The following SUGCT variants were observed in gnomAD, a reference collection of about 807,000 sequenced individuals.
The protein encoded by SUGCT is succinyl-CoA:glutarate CoA-transferase.
Under a neutral mutation model 55.0 loss-of-function variants are expected in SUGCT, and 41 were observed. The ratio of observed to expected loss-of-function variants is 0.74; its 90% confidence interval spans 0.58 to 0.97. SUGCT has a LOEUF of 0.97. Ranked by LOEUF, SUGCT falls within the 50% of genes least tolerant of loss-of-function variation. SUGCT has a pLI of 0.00. For synonymous variants in SUGCT, 187 were observed against 200.4 expected, an observed-to-expected ratio of 0.93 and a Z score of 0.56; for missense variants, 568 against 547.8, an observed-to-expected ratio of 1.04 and a Z score of -0.37.
At chr7:40,334,659 G>C (rs1429008937) in intron 9 of SUGCT, among the ~76,000 whole-genome samples, 2 of 152,122 alleles carry the variant, frequency 1.3e-5, no homozygotes, top group African/African-American at 4.8e-5. Flanking sequence ...TTAGCTCTTT[G>C]TCAGATGAGT....
At chr7:40,593,250 C>T (rs1797824077) in intron 12 of SUGCT, among the ~76,000 whole-genome samples, 1 of 152,162 alleles carries the variant, frequency 6.6e-6, no homozygotes, top group African/African-American at 2.4e-5. Context: ...GTGGGAACCC[C>T]TCTCCCTTTT....
chr7:40,697,811 T>C (rs1488424897), intron 12 of SUGCT, among the ~76,000 whole-genome samples: 1 of 152,196 alleles, frequency 6.6e-6, no homozygotes. Context: ...TGATGGCTCA[T>C]ACTACACCTT....
At chr7:40,142,816 C>A (rs758838704) in intron 1 of SUGCT, among the ~76,000 whole-genome samples, 34 of 152,202 alleles carry the variant, frequency 2.2e-4, no homozygotes, top group Admixed American at 2.2e-3. Context: ...TAAGGCTATC[C>A]TATTTTCCCA....
chr7:40,663,290 A>G (rs1315324423), intron 12 of SUGCT, among the ~76,000 whole-genome samples: 1 of 140,610 alleles, frequency 7.1e-6, no homozygotes, highest in Non-Finnish European at 1.6e-5. Context: ...TAATACATGT[A>G]TATTTCAAAA....
chr7:40,577,819 G>A (rs568957366), intron 12 of SUGCT, among the ~76,000 whole-genome samples: 64 of 152,188 alleles, frequency 4.2e-4, no homozygotes, highest in Non-Finnish European at 7.8e-4. Context: ...AGCAGTTTGA[G>A]CCTTAAGCTG....
At chr7:40,902,598 A>G in the SUGCT span, among the ~76,000 whole-genome samples, 9 of 138,372 alleles carry the variant, frequency 6.5e-5, no homozygotes, top group African/African-American at 1.6e-4. Context: ...AAAAAAGAGA[A>G]AAAAAAACCA....
intron 8 of SUGCT, among the ~76,000 whole-genome samples, chr7:40,305,622 A>G (rs1329535914): frequency 2.0e-5 from 3 of 151,914 alleles, no homozygotes; most frequent in Non-Finnish European, 4.4e-5. Flanking sequence ...ATCTTCAATT[A>G]TTCTTTTCTC....
intron 8 of SUGCT, among the ~76,000 whole-genome samples, chr7:40,313,543 C>G (rs760713311): frequency 1.3e-5 from 2 of 152,108 alleles, no homozygotes; most frequent in Non-Finnish European, 2.9e-5. Context: ...CCATGTTGCT[C>G]TCTTTCTTAA....
chr7:40,166,806 G>T (rs55798639), intron 1 of SUGCT, among the ~76,000 whole-genome samples: 2 of 151,098 alleles, frequency 1.3e-5, no homozygotes, highest in Non-Finnish European at 2.9e-5. Context: ...AGAATTGCTT[G>T]AACCCAGGAG....
chr7:40,403,711 A>G (rs1015635076), intron 9 of SUGCT, among the ~76,000 whole-genome samples: 3 of 152,228 alleles, frequency 2.0e-5, no homozygotes, highest in Admixed American at 2.0e-4. Context: ...CCATGTGATT[A>G]GATGATTCAC....
intron 12 of SUGCT, among the ~76,000 whole-genome samples, chr7:40,513,632 C>G (rs1055747107): frequency 6.6e-6 from 1 of 152,094 alleles, no homozygotes; most frequent in African/African-American, 2.4e-5. Flanking sequence ...TATACTCTAC[C>G]ATCCTCTTAC....
At chr7:40,966,039 G>C in the SUGCT span, 2 of 152,152 alleles carry the variant, frequency 1.3e-5, no homozygotes, top group African/African-American at 4.8e-5. Flanking sequence ...AAAAAAATAA[G>C]TATCTCTATT....
At position 40,634,487 on chromosome 7, in the gene SUGCT, C is replaced by A. The variant is rs140946052; in HGVS notation, c.1090-114947C>A. On this transcript the variant is annotated intron_variant, in intron 12 of 13. Transcript: ENST00000335693. Reference sequence around the variant, plus strand: ...AACTGGAACTATGATTTCCTCCTGGCAAGATCCCGGACTTCTACTATAAGA... The same window carrying A: ...AACTGGAACTATGATTTCCTCCTGGAAAGATCCCGGACTTCTACTATAAGA... Among the ~76,000 whole-genome samples the A allele has an allele frequency of 1.6e-3, 243 of 152,282 alleles. 1 individual carries two copies. Among genetic ancestry groups the A allele is most frequent in the African/African-American group, 5.7e-3 (235 of 41,562 alleles).
intron 12 of SUGCT, among the ~76,000 whole-genome samples, chr7:40,523,641 C>T (rs1463466778): frequency 6.6e-6 from 1 of 152,046 alleles, no homozygotes; most frequent in Non-Finnish European, 1.5e-5. Context: ...AGGGGAGGAT[C>T]TACTTCTTTG....
chr7:40,558,526 G>A (rs2151656259), intron 12 of SUGCT, among the ~76,000 whole-genome samples: 1 of 152,314 alleles, frequency 6.6e-6, no homozygotes, highest in East Asian at 1.9e-4. Context: ...GATATCATTA[G>A]GATTCCACAT....
the SUGCT span, among the ~76,000 whole-genome samples, chr7:40,986,853 T>C: frequency 6.6e-6 from 1 of 152,172 alleles, no homozygotes; most frequent in Admixed American, 6.5e-5. Context: ...CCTTCATCTC[T>C]GCTAAGTCAG....
intron 12 of SUGCT, among the ~76,000 whole-genome samples, chr7:40,691,994 G>T (rs1243120133): frequency 6.6e-6 from 1 of 152,100 alleles, no homozygotes; most frequent in African/African-American, 2.4e-5. Flanking sequence ...TGGAGGTCTT[G>T]CCATAGGAGG....
intron 6 of SUGCT, among the ~76,000 whole-genome samples, chr7:40,208,176 T>C (rs535301602): frequency 8.5e-5 from 13 of 152,096 alleles, no homozygotes; most frequent in African/African-American, 3.1e-4. Context: ...TTGCTAGAGG[T>C]TGGGAGGAAG....
chr7:40,501,140 C>G (rs955664774), intron 12 of SUGCT, among the ~76,000 whole-genome samples: 1 of 152,082 alleles, frequency 6.6e-6, no homozygotes, highest in Non-Finnish European at 1.5e-5. Context: ...TAATTCCTAG[C>G]AGGCAAGGAG....
Sources: gnomAD v4.1 joint callset for allele counts (sites outside exome capture counted in the v4.1 genomes callset) on GRCh38, gnomAD v4.1.1 for gene constraint, MANE v1.5 for transcripts, NCBI Gene and HGNC (gene_info 2026-07-23, HGNC 2026-07-21) for gene names.